Variants in TUSC3 observed in about 807,000 individuals in gnomAD.
TUSC3 encodes the protein dolichyl-diphosphooligosaccharide--protein glycosyltransferase subunit TUSC3.
TUSC3 carries 45 observed loss-of-function variants against 44.8 expected under a neutral mutation model. The observed-to-expected ratio is 1.00, with a 90% CI of 0.79 to 1.29. TUSC3 has a LOEUF of 1.29. TUSC3 is among the 50% of genes most tolerant of loss of function. The pLI, the probability that TUSC3 is intolerant of heterozygous loss-of-function variation, is 0.00. For synonymous variants in TUSC3, 212 were observed against 152.9 expected (o/e 1.39, Z -2.85); for missense variants, 519 against 437.9 (o/e 1.19, Z -1.65).
chr8:15,442,355 A>G (rs928956880), intron 1 of TUSC3, among the ~76,000 whole-genome samples: 1 of 152,114 alleles, frequency 6.6e-6, no homozygotes, highest in Non-Finnish European at 1.5e-5. Context: ...GGTTTTATTT[A>G]TTTGATAAAT....
chr8:15,681,923 A>C (rs1808444265), intron 6 of TUSC3, among the ~76,000 whole-genome samples: 1 of 152,176 alleles, frequency 6.6e-6, no homozygotes, highest in African/African-American at 2.4e-5. Flanking sequence ...CTATTTACCC[A>C]AAAATCATTC....
the TUSC3 span, among the ~76,000 whole-genome samples, chr8:15,844,104 T>C: frequency 6.6e-6 from 1 of 152,174 alleles, no homozygotes; most frequent in Non-Finnish European, 1.5e-5. Context: ...TGTCCCCTTG[T>C]TTCATTTTTG....
At chr8:15,435,268 GC>G (rs1213206743) in intron 1 of TUSC3, among the ~76,000 whole-genome samples, 5 of 151,988 alleles carry the variant, frequency 3.3e-5, no homozygotes, top group African/African-American at 1.2e-4. Flanking sequence ...GTTTTGATTT[GC>G]ATTTCTCTGG....
chr8:15,776,432 C>T, the TUSC3 span, among the ~76,000 whole-genome samples: 1 of 152,058 alleles, frequency 6.6e-6, no homozygotes. Flanking sequence ...ATTTTTGAAG[C>T]ACCTTTACAG....
chr8:15,761,792 A>G (rs777473767), intron 10 of TUSC3, among the ~76,000 whole-genome samples: 2 of 152,170 alleles, frequency 1.3e-5, no homozygotes, highest in African/African-American at 2.4e-5. Flanking sequence ...TGTTTTTAAA[A>G]AAGTATGATA....
chr8:15,817,443 T>G, the TUSC3 span, among the ~76,000 whole-genome samples: 2 of 152,148 alleles, frequency 1.3e-5, no homozygotes, highest in Non-Finnish European at 2.9e-5. Flanking sequence ...TGGCTTGGTC[T>G]CCACCTAAAT....
chr8:15,626,444 C>G (rs1437534711), intron 2 of TUSC3, among the ~76,000 whole-genome samples: 1 of 152,204 alleles, frequency 6.6e-6, no homozygotes, highest in African/African-American at 2.4e-5. Context: ...GACAGTAGCC[C>G]TACCCTGCCG....
At chr8:15,506,849 C>G (rs1381678775) in intron 2 of TUSC3, among the ~76,000 whole-genome samples, 3 of 152,124 alleles carry the variant, frequency 2.0e-5, no homozygotes, top group Non-Finnish European at 4.4e-5. Flanking sequence ...GCCCCTTACC[C>G]GGAAGGAAGG....
intron 6 of TUSC3, among the ~76,000 whole-genome samples, chr8:15,728,586 C>A (rs925925434): frequency 3.9e-5 from 6 of 152,136 alleles, no homozygotes; most frequent in Middle Eastern, 3.2e-3. Context: ...TTAAGTTACT[C>A]TCCTGAGTTA....
chr8:15,550,484 C>G (rs1640727880), intron 1 of TUSC3, among the ~76,000 whole-genome samples: 3 of 151,588 alleles, frequency 2.0e-5, no homozygotes, highest in African/African-American at 7.3e-5. Flanking sequence ...GGACTAAAAA[C>G]AAGGTTTCCT....
In TUSC3 at chr8:15,683,999, G is replaced by A. The variant is rs1053632488; in HGVS notation, c.798+10163G>A. Among the ~76,000 whole-genome samples the A allele has an allele frequency of 5.9e-5, 9 of 151,956 alleles. No homozygotes were observed. In the East Asian group the frequency reaches 1.7e-3, roughly 29 times the overall value. On this transcript the variant is annotated intron_variant, in intron 6 of 10. Coordinates refer to ENST00000503731, the MANE Select transcript of TUSC3 (RefSeq NM_006765.4). ...TGGTTTTGTTTGGTGGTGTAATTCA[G>A]AGTGCAGTCCACCAGCTGACACTTA... is the stretch of plus-strand genomic sequence containing the variant.
intron 2 of TUSC3, among the ~76,000 whole-genome samples, chr8:15,500,528 A>C (rs1563267373): frequency 6.6e-6 from 1 of 152,204 alleles, no homozygotes; most frequent in Non-Finnish European, 1.5e-5. Flanking sequence ...CCAGCATTTC[A>C]GTTGATCTAA....
intron 3 of TUSC3, among the ~76,000 whole-genome samples, chr8:15,658,543 C>T (rs1050719131): frequency 6.6e-6 from 1 of 151,732 alleles, no homozygotes; most frequent in African/African-American, 2.4e-5. Flanking sequence ...TACTGCAAGT[C>T]AAGGGCTGAA....
chr8:15,460,558 T>G (rs375756813), intron 1 of TUSC3, among the ~76,000 whole-genome samples: 7 of 152,282 alleles, frequency 4.6e-5, no homozygotes, highest in African/African-American at 1.7e-4. Context: ...TTATCTCTGG[T>G]TTTATTCCAT....
chr8:15,715,381 T>C (rs1810016601), intron 6 of TUSC3, among the ~76,000 whole-genome samples: 1 of 152,138 alleles, frequency 6.6e-6, no homozygotes, highest in African/African-American at 2.4e-5. Flanking sequence ...CTTATTGTAC[T>C]ATACCCACTC....
intron 2 of TUSC3, among the ~76,000 whole-genome samples, chr8:15,503,740 T>C (rs942852566): frequency 3.9e-5 from 6 of 152,052 alleles, no homozygotes; most frequent in African/African-American, 1.4e-4. Flanking sequence ...CAATGGCTCA[T>C]GCCTGTAATT....
the TUSC3 span, among the ~76,000 whole-genome samples, chr8:15,840,030 T>C: frequency 9.2e-5 from 14 of 152,228 alleles, no homozygotes; most frequent in Admixed American, 5.9e-4. Context: ...ATATACACCA[T>C]GGAATACTAT....
At chr8:15,769,684 A>G (rs1812407859), downstream of TUSC3, among the ~76,000 whole-genome samples, 1 of 152,198 alleles carries the variant, frequency 6.6e-6, no homozygotes, top group South Asian at 2.1e-4. Context: ...TATCCATCTG[A>G]CAAAGGGCTA....
chr8:15,666,095 G>C lies in TUSC3; in HGVS notation c.708+3799G>C, dbSNP rs185958151. Among the ~76,000 whole-genome samples the C allele has an allele frequency of 4.3e-3, 657 of 151,518 alleles. 16 individuals carry two copies. Among genetic ancestry groups the C allele is most frequent in the Non-Finnish European group, 9.6e-4 (65 of 67,554 alleles). ...GCATAGATACGTAGTTTATGGTCTT[G>C]AGAAAACAATATTGACTTGGAACCA... On this transcript the variant is annotated intron_variant, in intron 5 of 10. Coordinates refer to ENST00000503731, the MANE Select transcript of TUSC3 (RefSeq NM_006765.4).
Sources: allele counts gnomAD v4.1 joint callset (sites outside exome capture counted in the v4.1 genomes callset), GRCh38; gene constraint gnomAD v4.1.1; transcripts MANE v1.5; gene names NCBI Gene and HGNC (gene_info 2026-07-23, HGNC 2026-07-21).